The following GRM7 variants were observed in gnomAD, a reference collection of about 807,000 sequenced individuals.
The protein encoded by GRM7 is metabotropic glutamate receptor 7.
A neutral mutation model predicts 84.5 loss-of-function variants in GRM7; 35 were observed. That is an observed-to-expected ratio of 0.41 (90% CI 0.32 to 0.55). The LOEUF is 0.55. Ranked by LOEUF, GRM7 falls within the 20% of genes least tolerant of loss-of-function variation. The pLI, the probability that GRM7 is intolerant of heterozygous loss-of-function variation, is 0.19. For synonymous variants in GRM7, 487 were observed against 455.1 expected (o/e 1.07, Z -0.89); for missense variants, 1,003 against 1,194.6 (o/e 0.84, Z 2.36).
chr3:6,876,003 C>T (rs1443595273), intron 1 of GRM7, among the ~76,000 whole-genome samples: 1 of 152,126 alleles, frequency 6.6e-6, no homozygotes, highest in Non-Finnish European at 1.5e-5. Flanking sequence ...CGTAGTGGCT[C>T]ACGCGTGTAA....
At chr3:7,341,129 G>A (rs1340026380) in intron 4 of GRM7, among the ~76,000 whole-genome samples, 1 of 152,134 alleles carries the variant, frequency 6.6e-6, no homozygotes, top group Non-Finnish European at 1.5e-5. Flanking sequence ...CAGAGCTTTA[G>A]AGAAGAATCA....
intron 2 of GRM7, among the ~76,000 whole-genome samples, chr3:7,297,040 CT>C (rs918511504): frequency 6.6e-5 from 10 of 151,580 alleles, no homozygotes; most frequent in African/African-American, 1.2e-4. Context: ...GTGCTTTCTG[CT>C]TTTTTTTGGT....
chr3:7,579,873 C>T (rs1695165289), intron 8 of GRM7, among the ~76,000 whole-genome samples: 1 of 152,158 alleles, frequency 6.6e-6, no homozygotes, highest in African/African-American at 2.4e-5. Flanking sequence ...ATTGTATATG[C>T]ACAATATATA....
At chr3:6,888,175 G>C (rs894406172) in intron 1 of GRM7, among the ~76,000 whole-genome samples, 4 of 151,888 alleles carry the variant, frequency 2.6e-5, no homozygotes, top group African/African-American at 9.7e-5. Flanking sequence ...CTCCCATTTT[G>C]TAGGTTGCCT....
intron 2 of GRM7, among the ~76,000 whole-genome samples, chr3:7,253,335 T>G (rs1338305308): frequency 1.3e-5 from 2 of 152,126 alleles, no homozygotes; most frequent in Non-Finnish European, 2.9e-5. Context: ...TTTACATATT[T>G]AAGTTCACTT....
At chr3:7,123,989 T>C (rs77440934) in intron 1 of GRM7, among the ~76,000 whole-genome samples, 28,358 of 152,178 alleles carry the variant, frequency 0.19, 3,374 homozygotes, top group Non-Finnish European at 0.26. Flanking sequence ...CTTGCCAGCC[T>C]GCCTTTATCT....
chr3:7,459,527 T>G (rs1380612618), intron 6 of GRM7, among the ~76,000 whole-genome samples: 2 of 151,938 alleles, frequency 1.3e-5, no homozygotes, highest in Non-Finnish European at 2.9e-5. Context: ...AGCCTCACAA[T>G]TAGGGTGGAA....
intron 1 of GRM7, among the ~76,000 whole-genome samples, chr3:7,031,472 A>G (rs1696180405): frequency 6.6e-6 from 1 of 151,904 alleles, no homozygotes; most frequent in Non-Finnish European, 1.5e-5. Context: ...GCTAGAGTGC[A>G]GTGGCCTGAT....
chr3:7,554,732 C>T (rs1453027819), intron 7 of GRM7, among the ~76,000 whole-genome samples: 1 of 152,192 alleles, frequency 6.6e-6, no homozygotes, highest in Non-Finnish European at 1.5e-5. Context: ...GTTGGTGCTG[C>T]CATTTTGAGG....
chr3:7,397,520 G>T (rs1341909905), intron 4 of GRM7, among the ~76,000 whole-genome samples: 1 of 152,000 alleles, frequency 6.6e-6, no homozygotes, highest in Non-Finnish European at 1.5e-5. Flanking sequence ...TTAATAATTT[G>T]TTGTATATTT....
intron 7 of GRM7, among the ~76,000 whole-genome samples, chr3:7,572,539 G>C (rs567150204): frequency 6.6e-6 from 1 of 151,906 alleles, no homozygotes; most frequent in Admixed American, 6.6e-5. Context: ...AATAATGCTG[G>C]CTGGGCACAG....
chr3:7,464,977 G>A (rs1365873584), intron 7 of GRM7, among the ~76,000 whole-genome samples: 4 of 152,084 alleles, frequency 2.6e-5, no homozygotes, highest in Non-Finnish European at 5.9e-5. Flanking sequence ...GCCCTGGCGA[G>A]AGTGCGAGAC....
chr3:7,110,590 G>A (rs946175002), intron 1 of GRM7, among the ~76,000 whole-genome samples: 15 of 108,640 alleles, frequency 1.4e-4, no homozygotes, highest in African/African-American at 7.0e-4. Flanking sequence ...GCGATACTCT[G>A]TCACACACAC....
intron 1 of GRM7, among the ~76,000 whole-genome samples, chr3:7,081,215 C>T (rs2124997550): frequency 6.6e-6 from 1 of 152,140 alleles, no homozygotes; most frequent in Non-Finnish European, 1.5e-5. Flanking sequence ...AGGTCTCTGG[C>T]AATCCTGTGT....
At chr3:7,201,126 C>T (rs1165775252) in intron 2 of GRM7, among the ~76,000 whole-genome samples, 10 of 151,958 alleles carry the variant, frequency 6.6e-5, no homozygotes, top group East Asian at 2.0e-4. Context: ...CCCACCACCA[C>T]GCCCGGCTAA....
At chr3:7,158,755 A>T (rs560962637) in intron 2 of GRM7, among the ~76,000 whole-genome samples, 27 of 152,276 alleles carry the variant, frequency 1.8e-4, no homozygotes, top group African/African-American at 6.3e-4. Context: ...CCAGTCCATA[A>T]ATCTACTTGC....
intron 8 of GRM7, among the ~76,000 whole-genome samples, chr3:7,606,408 T>TA: frequency 6.6e-6 from 1 of 152,170 alleles, no homozygotes. Flanking sequence ...GAAAATTTTT[T>TA]AAAAAATCAG....
chr3:7,331,716 T>C (rs1311207958), intron 4 of GRM7, among the ~76,000 whole-genome samples: 1 of 152,188 alleles, frequency 6.6e-6, no homozygotes, highest in Non-Finnish European at 1.5e-5. Flanking sequence ...CTCTGTCTTG[T>C]GCTTAATACT....
At chr3:7,284,816 T>C (rs1699373339) in intron 2 of GRM7, among the ~76,000 whole-genome samples, 3 of 152,102 alleles carry the variant, frequency 2.0e-5, no homozygotes, top group Admixed American at 1.3e-4. Context: ...CCCCCCTCTA[T>C]ATTACAAAAG....
Sources: gnomAD v4.1 joint callset for allele counts (sites outside exome capture counted in the v4.1 genomes callset) on GRCh38, gnomAD v4.1.1 for gene constraint, MANE v1.5 for transcripts, NCBI Gene and HGNC (gene_info 2026-07-23, HGNC 2026-07-21) for gene names.